CNTNAP2: variants seen among roughly 807,000 people sequenced by gnomAD.
CNTNAP2 encodes contactin-associated protein-like 2.
A neutral mutation model predicts 155.2 loss-of-function variants in CNTNAP2; 98 were observed. That is an observed-to-expected ratio of 0.63 (90% CI 0.54 to 0.75). The LOEUF is 0.75. Among genes scored for constraint, CNTNAP2 ranks in the 30% least tolerant of loss-of-function variants. The probability of loss-of-function intolerance (pLI) is 0.00; values close to 1 mark genes in which losing one functional copy is unlikely to be tolerated. For missense variants in CNTNAP2, 1,727 were observed against 1,688.1 expected, an observed-to-expected ratio of 1.02 and a Z score of -0.40; for synonymous variants, 651 against 631.2, an observed-to-expected ratio of 1.03 and a Z score of -0.47.
intron 1 of CNTNAP2, among the ~76,000 whole-genome samples, chr7:146,256,490 C>G (rs1411954356): frequency 6.6e-6 from 1 of 151,488 alleles, no homozygotes; most frequent in African/African-American, 2.4e-5. Flanking sequence ...TTTTTGCTTT[C>G]TATGACAAAA....
At chr7:147,176,497 T>C (rs1802340663) in intron 8 of CNTNAP2, among the ~76,000 whole-genome samples, 2 of 151,198 alleles carry the variant, frequency 1.3e-5, no homozygotes, top group Non-Finnish European at 2.9e-5. Context: ...TTCTTCAAAA[T>C]AGAAAATGTG....
chr7:147,548,674 C>T (rs961942835), intron 11 of CNTNAP2, among the ~76,000 whole-genome samples: 5 of 152,186 alleles, frequency 3.3e-5, no homozygotes, highest in African/African-American at 1.2e-4. Flanking sequence ...GTCATGAAGT[C>T]TCTGCCCATG....
intron 21 of CNTNAP2, among the ~76,000 whole-genome samples, chr7:148,332,932 C>T (rs975078050): frequency 3.3e-5 from 5 of 152,128 alleles, no homozygotes; most frequent in Non-Finnish European, 5.9e-5. Context: ...CTATGAGCAA[C>T]TTTGTAAGAT....
intron 11 of CNTNAP2, among the ~76,000 whole-genome samples, chr7:147,528,383 G>T (rs1799364163): frequency 6.6e-6 from 1 of 152,146 alleles, no homozygotes; most frequent in South Asian, 2.1e-4. Context: ...ATGCAGGTGT[G>T]TCTCATGGCA....
chr7:147,010,135 G>A (rs572078949), intron 3 of CNTNAP2, among the ~76,000 whole-genome samples: 200 of 150,704 alleles, frequency 1.3e-3, no homozygotes, highest in Non-Finnish European at 2.3e-3. Context: ...TCGGCCTCCC[G>A]AGTAGCTGGG....
At chr7:147,332,152 TCA>T (rs907119210) in intron 9 of CNTNAP2, among the ~76,000 whole-genome samples, 11 of 152,132 alleles carry the variant, frequency 7.2e-5, no homozygotes, top group African/African-American at 2.7e-4. Context: ...TGATCTTACC[TCA>T]CATTAATGAA....
chr7:146,698,390 T>A (rs1188689364), intron 1 of CNTNAP2, among the ~76,000 whole-genome samples: 2 of 152,190 alleles, frequency 1.3e-5, no homozygotes, highest in African/African-American at 2.4e-5. Flanking sequence ...AAAGTCATTA[T>A]TTCCCTTCAA....
chr7:146,198,059 A>G (rs1359100687), intron 1 of CNTNAP2, among the ~76,000 whole-genome samples: 1 of 152,064 alleles, frequency 6.6e-6, no homozygotes, highest in Non-Finnish European at 1.5e-5. Flanking sequence ...TATCATGAGA[A>G]CCGCATGGGG....
intron 15 of CNTNAP2, among the ~76,000 whole-genome samples, chr7:148,018,021 G>A (rs932095691): frequency 1.3e-5 from 2 of 152,196 alleles, no homozygotes; most frequent in Non-Finnish European, 2.9e-5. Context: ...TCGCCACAAA[G>A]GCAGAAAGGG....
chr7:146,305,962 G>T (rs1471493853), intron 1 of CNTNAP2, among the ~76,000 whole-genome samples: 1 of 151,950 alleles, frequency 6.6e-6, no homozygotes, highest in Non-Finnish European at 1.5e-5. Context: ...CCAGGAGCTG[G>T]TTTTTTGAAA....
At chr7:146,415,079 G>C (rs1406677750) in intron 1 of CNTNAP2, among the ~76,000 whole-genome samples, 1 of 152,164 alleles carries the variant, frequency 6.6e-6, no homozygotes, top group Non-Finnish European at 1.5e-5. Context: ...GCCTAGTGAA[G>C]CAAGTTAGCT....
At chr7:147,533,963 C>T (rs2116730756) in intron 11 of CNTNAP2, among the ~76,000 whole-genome samples, 1 of 152,286 alleles carries the variant, frequency 6.6e-6, no homozygotes, top group East Asian at 1.9e-4. Flanking sequence ...ACTGAGAGAG[C>T]TTAATAATAC....
At chr7:146,624,544 A>C (rs978110557) in intron 1 of CNTNAP2, among the ~76,000 whole-genome samples, 3 of 151,972 alleles carry the variant, frequency 2.0e-5, no homozygotes, top group Admixed American at 6.6e-5. Context: ...GTTAAATATT[A>C]ATTTTGTTTG....
At chr7:147,837,777 G>T (rs929995507) in intron 13 of CNTNAP2, among the ~76,000 whole-genome samples, 2 of 152,174 alleles carry the variant, frequency 1.3e-5, no homozygotes, top group Non-Finnish European at 2.9e-5. Flanking sequence ...AAATCTTAAA[G>T]CTCCAAAAGA....
intron 15 of CNTNAP2, among the ~76,000 whole-genome samples, chr7:147,989,551 C>T (rs1801675920): frequency 6.6e-6 from 1 of 152,224 alleles, no homozygotes. Flanking sequence ...CTCTGCCCAT[C>T]TTCCTGCTCC....
chr7:146,306,814 T>A (rs1168470308), intron 1 of CNTNAP2, among the ~76,000 whole-genome samples: 1 of 152,050 alleles, frequency 6.6e-6, no homozygotes, highest in Admixed American at 6.6e-5. Flanking sequence ...ATAAACTAGG[T>A]CTTGATGTAC....
intron 5 of CNTNAP2, among the ~76,000 whole-genome samples, chr7:147,119,830 A>T (rs1182112278): frequency 6.6e-6 from 1 of 152,138 alleles, no homozygotes; most frequent in Non-Finnish European, 1.5e-5. Flanking sequence ...TCAATTGTTT[A>T]TCTCTTATTT....
intron 15 of CNTNAP2, among the ~76,000 whole-genome samples, chr7:148,104,481 G>C (rs1804168715): frequency 6.6e-6 from 1 of 152,220 alleles, no homozygotes; most frequent in Non-Finnish European, 1.5e-5. Context: ...AAGGCTGCCT[G>C]GCATTACAGC....
At chr7:147,142,167 C>T (rs971447526) in intron 8 of CNTNAP2, among the ~76,000 whole-genome samples, 7 of 152,148 alleles carry the variant, frequency 4.6e-5, no homozygotes, top group South Asian at 4.1e-4. Context: ...TCAAAGGGAA[C>T]GCTTCCAGTT....
Sources: gnomAD v4.1 joint callset for allele counts (sites outside exome capture counted in the v4.1 genomes callset) on GRCh38, gnomAD v4.1.1 for gene constraint, MANE v1.5 for transcripts, NCBI Gene and HGNC (gene_info 2026-07-23, HGNC 2026-07-21) for gene names.